The following FZD3 variants were observed in gnomAD, a reference collection of about 807,000 sequenced individuals.
FZD3 encodes frizzled class receptor 3.
FZD3 carries 30 observed loss-of-function variants against 60.7 expected under a neutral mutation model. The observed-to-expected ratio is 0.49, with a 90% CI of 0.37 to 0.67. The LOEUF (loss-of-function observed/expected upper bound fraction) is 0.67, where lower values mean the gene tolerates loss of function less well. FZD3 is among the 30% of genes least tolerant of loss of function. FZD3 has a pLI of 0.00. For missense variants in FZD3, 605 were observed against 838.7 expected, an observed-to-expected ratio of 0.72 and a Z score of 3.44; for synonymous variants, 246 against 275.2, an observed-to-expected ratio of 0.89 and a Z score of 1.05.
Position 28,520,718 on chromosome 8 carries a change from G to T in FZD3, c.270G>T (p.Met90Ile). ...FLCALYAPIC[M>I]EYGRVTLPCR... ...GTGCACTCTACGCTCCTATTTGTATGGAATATGGACGTGTCACACTTCCCT... is the reference window on the plus strand; with the variant it reads ...GTGCACTCTACGCTCCTATTTGTATTGAATATGGACGTGTCACACTTCCCT... The change falls in exon 4 of 8, where the codon ATG (methionine) becomes ATT (isoleucine). Residue 90 changes from methionine to isoleucine, a missense_variant. Transcript: ENST00000240093. The T allele has an allele frequency of 1.2e-6, 2 of 1,612,146 alleles. No individual in the cohort carries two copies. Among genetic ancestry groups the T allele is most frequent in the South Asian group, 2.2e-5 (2 of 90,768 alleles).
rs534377465 is a variant in FZD3, at chr8:28,564,799, T to G, written c.*1788T>G. 1 of 152,236 alleles carries G rather than the reference T, an allele frequency of 6.6e-6. No homozygotes were observed. Among genetic ancestry groups the G allele is most frequent in the Non-Finnish European group, 1.5e-5 (1 of 68,038 alleles). 9.4% of individuals were successfully genotyped at this position (152,236 alleles called of 1,614,324 possible). ...GGCCTGGCTCTGCCTTATGCTATTA[T>G]AGTTTATGACCTTTAACAATTTAAC... On this transcript the variant is annotated 3_prime_UTR_variant, in exon 8 of 8. Coordinates refer to ENST00000240093, the MANE Select transcript of FZD3 (RefSeq NM_017412.4).
intron 5 of FZD3, among the ~76,000 whole-genome samples, chr8:28,536,109 G>T (rs1487642371): frequency 6.6e-6 from 1 of 152,114 alleles, no homozygotes; most frequent in Non-Finnish European, 1.5e-5. Context: ...GTAAAATTTC[G>T]ATATTAACTC....
At position 28,568,410 on chromosome 8, in the gene FZD3, G is replaced by T; in HGVS notation, c.*5399G>T. On this transcript the variant is annotated 3_prime_UTR_variant, in exon 8 of 8. Transcript: ENST00000240093. The stretch of plus-strand genomic sequence containing the variant: ...ATTTGGGAAAGGAGTAGGAAGACTA[G>T]GTATCGCATGCCTTCCGTCTGATTG... 1 of 152,018 alleles carries T rather than the reference G, an allele frequency of 6.6e-6. No individual in the cohort carries two copies. The highest frequency in any genetic ancestry group is 1.5e-5 in the Non-Finnish European group (1 of 67,966). 9.4% of individuals were successfully genotyped at this position (152,018 alleles called of 1,614,324 possible).
intron 3 of FZD3, among the ~76,000 whole-genome samples, chr8:28,506,673 T>C (rs1233837174): frequency 6.6e-6 from 1 of 152,136 alleles, no homozygotes; most frequent in African/African-American, 2.4e-5. Context: ...TCATTAAAGA[T>C]TTTTTTATGA....
chr8:28,517,809 A>G (rs1804471135), intron 3 of FZD3, among the ~76,000 whole-genome samples: 1 of 152,140 alleles, frequency 6.6e-6, no homozygotes, highest in African/African-American at 2.4e-5. Flanking sequence ...GATATTAGTC[A>G]TTGTTATATA....
chr8:28,554,658 C>T (rs533455527), intron 6 of FZD3, among the ~76,000 whole-genome samples: 1 of 152,086 alleles, frequency 6.6e-6, no homozygotes, highest in African/African-American at 2.4e-5. Flanking sequence ...TAGAAATACA[C>T]TCTTAGGACA....
intron 5 of FZD3, among the ~76,000 whole-genome samples, chr8:28,540,211 G>T (rs1805127023): frequency 1.3e-5 from 2 of 152,254 alleles, no homozygotes; most frequent in South Asian, 4.1e-4. Context: ...TCTCCAGGTA[G>T]ATCAAAGAAA....
intron 4 of FZD3, among the ~76,000 whole-genome samples, chr8:28,522,426 G>A (rs985013617): frequency 6.6e-6 from 1 of 152,072 alleles, no homozygotes; most frequent in African/African-American, 2.4e-5. Flanking sequence ...ATATTTGTCT[G>A]TTTCGCACCT....
chr8:28,503,039 CTCTT>C lies in FZD3; in HGVS notation c.28_31del (p.Leu10GlyfsTer3). 1 of 1,613,262 alleles carries C rather than the reference CTCTT, an allele frequency of 6.2e-7. No homozygotes were observed. The highest frequency in any genetic ancestry group is 8.5e-7 in the Non-Finnish European group (1 of 1,179,388). ...ATGGCTATGACTTGGATTGTCTTCT[CTCTT>C]TGGCCCTTGACTGTGTTCATGGGGC... is the stretch of plus-strand genomic sequence containing the variant. On this transcript the variant is annotated frameshift_variant, in exon 3 of 8. Transcript: ENST00000240093. LOFTEE classifies it high-confidence loss of function.
intron 3 of FZD3, among the ~76,000 whole-genome samples, chr8:28,519,591 G>A (rs557540036): frequency 4.6e-5 from 7 of 151,982 alleles, no homozygotes; most frequent in East Asian, 1.9e-4. Flanking sequence ...TTAACCCTGT[G>A]TGGTGGTGCG....
chr8:28,536,005 AAAT>A (rs1439785619), intron 5 of FZD3, among the ~76,000 whole-genome samples: 1 of 152,212 alleles, frequency 6.6e-6, no homozygotes, highest in Non-Finnish European at 1.5e-5. Context: ...AAAATGCAGA[AAAT>A]AATATGTTAA....
intron 4 of FZD3, among the ~76,000 whole-genome samples, chr8:28,521,424 A>G (rs1804576164): frequency 6.6e-6 from 1 of 152,034 alleles, no homozygotes; most frequent in East Asian, 1.9e-4. Flanking sequence ...TGTTTTACCT[A>G]TTTGTATTCT....
chr8:28,542,284 G>A (rs1444038962), intron 5 of FZD3, among the ~76,000 whole-genome samples: 1 of 151,972 alleles, frequency 6.6e-6, no homozygotes. Context: ...TGTTTCTTCT[G>A]CCTAAATCCC....
chr8:28,507,007 G>A lies in FZD3; in HGVS notation c.189+3805G>A, dbSNP rs140195262. ...TCTGGGTCACCTTGAAACAAATTTC[G>A]TATATCAAAATTTCATCCATAAATA... On this transcript the variant is annotated intron_variant, in intron 3 of 7. Transcript: ENST00000240093. Among the ~76,000 whole-genome samples, 1,407 of 152,072 alleles carry A rather than the reference G, an allele frequency of 9.3e-3. 24 individuals are homozygous for A. The highest frequency in any genetic ancestry group is 0.032 in the African/African-American group (1,318 of 41,466).
chr8:28,562,184 C>T (rs117864268), intron 7 of FZD3, among the ~76,000 whole-genome samples: 7 of 152,306 alleles, frequency 4.6e-5, no homozygotes, highest in African/African-American at 7.2e-5. Flanking sequence ...AGCATCTTCA[C>T]AGCCTCAAGC....
In FZD3 at chr8:28,527,738, G is replaced by T; in HGVS notation, c.978G>T (p.Lys326Asn). Residue 326 changes from lysine to asparagine, a missense_variant, in exon 5 of 8, where the codon AAG becomes AAT. Coordinates refer to ENST00000240093, the MANE Select transcript of FZD3 (RefSeq NM_017412.4). This position sits in a 1 kb window ranked among gnomAD's most constrained non-coding sequence, Gnocchi z 5.0. ...VPKWGSEAIE[K>N]KALLFHASAW... is the part of the protein sequence containing the mutation. ...AGTGGGGTAGTGAAGCTATTGAGAA[G>T]AAAGCATTGCTGTTTCACGCCAGTG... 6.2e-7 allele frequency: 1 copy of T among 1,614,154 alleles called. No individual in the cohort carries two copies. Among genetic ancestry groups the T allele is most frequent in the East Asian group, 2.2e-5 (1 of 44,886 alleles).
intron 3 of FZD3, among the ~76,000 whole-genome samples, chr8:28,508,941 CAA>C (rs1318049732): frequency 2.0e-5 from 3 of 152,196 alleles, no homozygotes; most frequent in Non-Finnish European, 4.4e-5. Context: ...TTTTTACTAA[CAA>C]TGATTACAGC....
intron 1 of FZD3, among the ~76,000 whole-genome samples, chr8:28,497,922 A>G (rs1399235321): frequency 1.5e-4 from 23 of 152,100 alleles, no homozygotes; most frequent in Admixed American, 1.5e-3. Flanking sequence ...CCTTCCCTTT[A>G]TTGCTGTCTT....
At chr8:28,530,761 A>T (rs1253791363) in intron 5 of FZD3, among the ~76,000 whole-genome samples, 1 of 150,986 alleles carries the variant, frequency 6.6e-6, no homozygotes, top group African/African-American at 2.4e-5. Context: ...TCATTCCCAT[A>T]AAAGCCTGTA....
Sources: gnomAD v4.1 joint callset for allele counts (sites outside exome capture counted in the v4.1 genomes callset) on GRCh38, gnomAD v4.1.1 for gene constraint, Gnocchi (gnomAD v3.1) non-coding constraint, MANE v1.5 for transcripts, NCBI Gene and HGNC (gene_info 2026-07-23, HGNC 2026-07-21) for gene names.